CELF4: variants seen among roughly 807,000 people sequenced by gnomAD.
The protein encoded by CELF4 is CUGBP Elav-like family member 4, also known as CUG-BP- and ETR-3-like factor 4.
In CELF4, 18 loss-of-function variants were observed where a neutral mutation model predicts 59.9. The observed-to-expected ratio is 0.30, with a 90% CI of 0.21 to 0.45. The LOEUF is 0.45. CELF4 is among the 20% of genes least tolerant of loss of function. CELF4 has a pLI of 1.00. For missense variants in CELF4, 456 were observed against 689.0 expected (o/e 0.66, Z 3.79); for synonymous variants, 261 against 267.1 (o/e 0.98, Z 0.22).
At chr18:37,336,582 T>C (rs1238257995) in intron 2 of CELF4, among the ~76,000 whole-genome samples, 1 of 152,192 alleles carries the variant, frequency 6.6e-6, no homozygotes, top group Non-Finnish European at 1.5e-5. Context: ...AAGCCTGCTA[T>C]GAGGGAGTGG....
Position 37,559,217 on chromosome 18 carries a change from T to C in CELF4, c.286+6139A>G, listed in dbSNP as rs144717314. On this transcript the variant is annotated intron_variant, in intron 1 of 12. Coordinates refer to ENST00000420428, the MANE Select transcript of CELF4 (RefSeq NM_020180.4). The stretch of plus-strand genomic sequence containing the variant: ...TCCTTTTCTCCTTCACCCTTCTCCC[T>C]GATCCTGCATATAGCCTTGCAAGAT... 8.5e-4 allele frequency among the ~76,000 whole-genome samples: 129 copies of C among 152,288 alleles called. 2 individuals are homozygous for C. Among genetic ancestry groups the C allele is most frequent in the East Asian group, 8.2e-3 (42 of 5,150 alleles).
At chr18:37,450,796 G>C (rs1007118855) in intron 2 of CELF4, among the ~76,000 whole-genome samples, 1 of 151,960 alleles carries the variant, frequency 6.6e-6, no homozygotes, top group Admixed American at 6.6e-5. Context: ...TCACTCCTTG[G>C]GACGTTCCTG....
intron 1 of CELF4, among the ~76,000 whole-genome samples, chr18:37,501,937 G>A (rs1484841199): frequency 6.6e-6 from 1 of 152,226 alleles, no homozygotes; most frequent in Admixed American, 6.5e-5. Flanking sequence ...CTCTTCTGGG[G>A]AAGCTGGGGC....
chr18:37,340,580 G>T (rs748516897), intron 2 of CELF4, among the ~76,000 whole-genome samples: 1 of 152,144 alleles, frequency 6.6e-6, no homozygotes, highest in East Asian at 1.9e-4. Flanking sequence ...GTTCCCTCTC[G>T]TCTCCCAGTC....
chr18:37,373,836 CCAGGTGGG>C (rs1171400009), intron 2 of CELF4, among the ~76,000 whole-genome samples: 2 of 152,180 alleles, frequency 1.3e-5, no homozygotes, highest in African/African-American at 4.8e-5. Context: ...CGTGAGAGGC[CCAGGTGGG>C]CAGGTACAGG....
intron 1 of CELF4, among the ~76,000 whole-genome samples, chr18:37,549,974 G>A (rs1265506922): frequency 1.3e-5 from 2 of 148,178 alleles, no homozygotes; most frequent in Non-Finnish European, 3.0e-5. Flanking sequence ...TTTGGCATTC[G>A]AAACACAAGC....
chr18:37,472,014 G>C (rs1413702952), intron 2 of CELF4, among the ~76,000 whole-genome samples: 1 of 152,212 alleles, frequency 6.6e-6, no homozygotes, highest in Non-Finnish European at 1.5e-5. Context: ...CCTGGTTAGG[G>C]TTTTCAATCT....
rs55942029 is a variant in CELF4, at chr18:37,331,287, C to T, written c.370-9406G>A. Among the ~76,000 whole-genome samples, 617 of 152,280 alleles carry T rather than the reference C, an allele frequency of 4.1e-3. 1 individual carries two copies. Among genetic ancestry groups the T allele is most frequent in the Admixed American group, 7.2e-3 (110 of 15,306 alleles). Reference sequence around the variant, plus strand: ...GGCTGCATTCCATTTTTCACCTCTCCTCTCATAGCTGTGTCTGCAATTGAA... The same window carrying T: ...GGCTGCATTCCATTTTTCACCTCTCTTCTCATAGCTGTGTCTGCAATTGAA... On this transcript the variant is annotated intron_variant, in intron 2 of 12. Coordinates refer to ENST00000420428, the MANE Select transcript of CELF4 (RefSeq NM_020180.4).
At chr18:37,477,498 G>A (rs901314988) in intron 2 of CELF4, among the ~76,000 whole-genome samples, 5 of 152,128 alleles carry the variant, frequency 3.3e-5, no homozygotes, top group African/African-American at 1.2e-4. Flanking sequence ...CAGGTGGTGG[G>A]ACCTTTATTT....
At chr18:37,359,610 G>A (rs1206506094) in intron 2 of CELF4, among the ~76,000 whole-genome samples, 1 of 152,190 alleles carries the variant, frequency 6.6e-6, no homozygotes, top group Non-Finnish European at 1.5e-5. Context: ...CCAGAGTGCT[G>A]GAATTATAAG....
rs189486486 is a variant in CELF4 at position 37,476,615 on chromosome 18, T to A, written c.369+8910A>T. Among the ~76,000 whole-genome samples, 33 of 152,304 alleles carry A rather than the reference T, an allele frequency of 2.2e-4. No individual in the cohort carries two copies. The East Asian group carries it at 6.4e-3, about 29-fold the overall frequency. Reference sequence around the variant, plus strand: ...TTTGATGGCATGTGGCAGCCCACAGTTCCGGATCCCTGCAGGTCAACAACA... The same window carrying A: ...TTTGATGGCATGTGGCAGCCCACAGATCCGGATCCCTGCAGGTCAACAACA... On this transcript the variant is annotated intron_variant, in intron 2 of 12. Coordinates refer to ENST00000420428, the MANE Select transcript of CELF4 (RefSeq NM_020180.4).
At chr18:37,328,699 T>C (rs1479995649) in intron 2 of CELF4, among the ~76,000 whole-genome samples, 1 of 152,196 alleles carries the variant, frequency 6.6e-6, no homozygotes, top group Non-Finnish European at 1.5e-5. Flanking sequence ...TCATCTATCC[T>C]GGTGCTTTAG....
At chr18:37,488,616 G>T (rs753614516) in intron 1 of CELF4, among the ~76,000 whole-genome samples, 1 of 152,080 alleles carries the variant, frequency 6.6e-6, no homozygotes, top group Non-Finnish European at 1.5e-5. Flanking sequence ...GCTCCCAGGA[G>T]CCTGTTGAAC....
intron 1 of CELF4, among the ~76,000 whole-genome samples, chr18:37,503,078 G>C (rs971082607): frequency 5.3e-5 from 8 of 152,294 alleles, no homozygotes; most frequent in Admixed American, 4.6e-4. Context: ...AGGCACAGAG[G>C]GGTCGGATGG....
At chr18:37,554,807 C>T (rs547903084) in intron 1 of CELF4, among the ~76,000 whole-genome samples, 1 of 152,278 alleles carries the variant, frequency 6.6e-6, no homozygotes, top group South Asian at 2.1e-4. Flanking sequence ...CCAGGGACGT[C>T]CTGAGACAGG....
chr18:37,562,409 A>G (rs2099986826), intron 1 of CELF4, among the ~76,000 whole-genome samples: 1 of 149,662 alleles, frequency 6.7e-6, no homozygotes, highest in South Asian at 2.1e-4. Flanking sequence ...CATAAACATG[A>G]CATCCAAACT....
chr18:37,408,541 T>A (rs1165850504), intron 2 of CELF4, among the ~76,000 whole-genome samples: 3 of 145,366 alleles, frequency 2.1e-5, no homozygotes, highest in Non-Finnish European at 4.5e-5. Flanking sequence ...GCCTGGAGAT[T>A]CCATACAAGT....
chr18:37,451,543 A>ATG (rs1043165575), intron 2 of CELF4, among the ~76,000 whole-genome samples: 2 of 151,812 alleles, frequency 1.3e-5, no homozygotes, highest in African/African-American at 4.8e-5. Context: ...GTGTGTATGT[A>ATG]TGTGTGTGTG....
At chr18:37,537,927 G>A (rs1382409863) in intron 1 of CELF4, among the ~76,000 whole-genome samples, 1 of 152,220 alleles carries the variant, frequency 6.6e-6, no homozygotes, top group Non-Finnish European at 1.5e-5. Flanking sequence ...CCCATCATGG[G>A]CTCACCCCAC....
Sources: allele counts gnomAD v4.1 joint callset (sites outside exome capture counted in the v4.1 genomes callset), GRCh38; gene constraint gnomAD v4.1.1; transcripts MANE v1.5; gene names NCBI Gene and HGNC (gene_info 2026-07-23, HGNC 2026-07-21).